Variants in FBXO4 observed in about 807,000 individuals in gnomAD.
FBXO4 encodes the protein F-box only protein 4.
Under a neutral mutation model 43.7 loss-of-function variants are expected in FBXO4, and 36 were observed. The ratio of observed to expected loss-of-function variants is 0.82; its 90% CI spans 0.63 to 1.09. The LOEUF is 1.09. Ranked by LOEUF, FBXO4 falls within the 50% of genes least tolerant of loss-of-function variation. The pLI is 0.00. For synonymous variants in FBXO4, 180 were observed against 165.6 expected, an observed-to-expected ratio of 1.09 and a Z score of -0.67; for missense variants, 435 against 474.1, an observed-to-expected ratio of 0.92 and a Z score of 0.77.
the FBXO4 span, among the ~76,000 whole-genome samples, chr5:41,956,227 G>A: frequency 6.6e-6 from 1 of 152,172 alleles, no homozygotes; most frequent in Non-Finnish European, 1.5e-5. Flanking sequence ...AGAAGCTGGA[G>A]TAAGGATTGG....
chr5:42,017,742 G>A, the FBXO4 span, among the ~76,000 whole-genome samples: 13 of 151,386 alleles, frequency 8.6e-5, 1 homozygote, highest in African/African-American at 3.1e-4. Flanking sequence ...GGCCTCCAGG[G>A]CCATCCATGT....
At chr5:41,953,783 C>T in the FBXO4 span, among the ~76,000 whole-genome samples, 1 of 151,786 alleles carries the variant, frequency 6.6e-6, no homozygotes, top group African/African-American at 2.4e-5. Flanking sequence ...CTTTTGGCTG[C>T]ATAAATGTCT....
At chr5:41,930,654 C>T (rs1193619186) in intron 3 of FBXO4, among the ~76,000 whole-genome samples, 7 of 150,334 alleles carry the variant, frequency 4.7e-5, no homozygotes, top group African/African-American at 7.4e-5. Context: ...ACATTTTTTT[C>T]TTTCTTTCTT....
the FBXO4 span, chr5:41,968,002 G>C: frequency 4.6e-6 from 2 of 434,290 alleles, no homozygotes; most frequent in South Asian, 3.7e-5. Flanking sequence ...TTTGTTGCCA[G>C]AGGCCACCTG....
At chr5:42,026,115 T>C in the FBXO4 span, among the ~76,000 whole-genome samples, 2 of 152,064 alleles carry the variant, frequency 1.3e-5, no homozygotes, top group East Asian at 3.9e-4. Flanking sequence ...ATTGATTCTG[T>C]AGATTGCTTT....
chr5:41,941,656 A>T lies in FBXO4; in HGVS notation c.*375A>T, dbSNP rs1752007693. ...AAATAGCAAATTTGCTAAACTTTCT[A>T]TTCAGTCTTTTCAAGGGTTCATAAG... On this transcript the variant is annotated 3_prime_UTR_variant, in exon 7 of 7. Transcript: ENST00000281623. The T allele has an allele frequency of 5.9e-6, 1 of 169,578 alleles. No individual in the cohort carries two copies. The highest frequency in any genetic ancestry group is 1.3e-5 in the Non-Finnish European group (1 of 78,074). The allele number at this position is 169,578 out of a possible 1,614,324, so 10.5% of individuals were successfully genotyped here. A position where few individuals can be genotyped will look rare whatever the true frequency, so the allele number is the denominator to read the frequency against.
chr5:41,935,504 TA>T (rs906790601), intron 5 of FBXO4, among the ~76,000 whole-genome samples: 1 of 152,208 alleles, frequency 6.6e-6, no homozygotes, highest in African/African-American at 2.4e-5. Context: ...AAAGCTGTCT[TA>T]GGGGAGGAGC....
At chr5:41,983,087 A>T in the FBXO4 span, among the ~76,000 whole-genome samples, 5 of 152,304 alleles carry the variant, frequency 3.3e-5, no homozygotes, top group South Asian at 1.0e-3. Context: ...CATGGTGTAT[A>T]TGTGCCTAAT....
chr5:41,980,022 CAGG>C, the FBXO4 span, among the ~76,000 whole-genome samples: 1 of 152,014 alleles, frequency 6.6e-6, no homozygotes, highest in Admixed American at 6.6e-5. Context: ...TTGTAATAGC[CAGG>C]AGGAGGTCAG....
At position 41,925,295 on chromosome 5, in the gene FBXO4, C is replaced by T. The variant is rs1751438322; in HGVS notation, c.-15C>T. On this transcript the variant is annotated 5_prime_UTR_variant, in exon 1 of 7. In the 5' UTR this introduces an upstream ATG that the reference lacks. Transcript: ENST00000281623. ...GCGTGGCTCTAAGACGCGTCACCCA[C>T]GCTGCGGGCAAGCCATGGCGGGAAG... The T allele has an allele frequency of 1.5e-6, 2 of 1,325,858 alleles. No individual in the cohort carries two copies. Among genetic ancestry groups the T allele is most frequent in the African/African-American group, 1.5e-5 (1 of 64,890 alleles). 82.1% of individuals were successfully genotyped at this position (1,325,858 alleles called of 1,614,324 possible).
chr5:41,965,976 G>A, the FBXO4 span, among the ~76,000 whole-genome samples: 2 of 152,210 alleles, frequency 1.3e-5, no homozygotes, highest in African/African-American at 4.8e-5. Flanking sequence ...CATTAAAAAT[G>A]ATGAGTTCGT....
chr5:42,017,491 C>T, the FBXO4 span, among the ~76,000 whole-genome samples: 1 of 151,426 alleles, frequency 6.6e-6, no homozygotes, highest in Non-Finnish European at 1.5e-5. Context: ...AGGTTTGTTA[C>T]TTGGGTATAT....
chr5:41,943,559 T>C (rs183390758), downstream of FBXO4, among the ~76,000 whole-genome samples: 1 of 152,278 alleles, frequency 6.6e-6, no homozygotes, highest in Admixed American at 6.5e-5. Flanking sequence ...AGAGTTTTTA[T>C]GGGTTTTTCA....
chr5:42,010,495 G>A, the FBXO4 span, among the ~76,000 whole-genome samples: 1 of 148,796 alleles, frequency 6.7e-6, no homozygotes, highest in African/African-American at 2.5e-5. Flanking sequence ...GTGACAGTGT[G>A]AGCCTCCATC....
chr5:41,999,512 T>TATATATATATAC, the FBXO4 span, among the ~76,000 whole-genome samples: 1 of 109,436 alleles, frequency 9.1e-6, no homozygotes, highest in Admixed American at 1.0e-4. Flanking sequence ...TATGTGTATA[T>TATATATATATAC]ATATATATAT....
chr5:41,995,533 C>T, the FBXO4 span, among the ~76,000 whole-genome samples: 1 of 152,174 alleles, frequency 6.6e-6, no homozygotes, highest in African/African-American at 2.4e-5. Flanking sequence ...CAACCTCTAT[C>T]CCTGTCACCA....
chr5:41,937,776 G>A (rs2112584746), intron 5 of FBXO4, among the ~76,000 whole-genome samples: 1 of 152,370 alleles, frequency 6.6e-6, no homozygotes, highest in Middle Eastern at 3.4e-3. Flanking sequence ...AAGGCAGAAA[G>A]GGAAGCGGGA....
intron 5 of FBXO4, among the ~76,000 whole-genome samples, chr5:41,936,598 G>A (rs943653534): frequency 2.6e-5 from 4 of 152,104 alleles, no homozygotes; most frequent in Non-Finnish European, 5.9e-5. Context: ...TGTGTGAACA[G>A]ATAGATTTTT....
chr5:41,962,671 G>T, the FBXO4 span, among the ~76,000 whole-genome samples: 1 of 152,146 alleles, frequency 6.6e-6, no homozygotes, highest in Non-Finnish European at 1.5e-5. Context: ...AAAGGTAAGT[G>T]CCTCCTACCT....
Sources: allele counts gnomAD v4.1 joint callset (sites outside exome capture counted in the v4.1 genomes callset), GRCh38; gene constraint gnomAD v4.1.1; transcripts MANE v1.5; gene names NCBI Gene and HGNC (gene_info 2026-07-23, HGNC 2026-07-21).